The following NDUFA3 variants were observed in gnomAD, a reference collection of about 807,000 sequenced individuals.
NDUFA3 encodes the protein NADH:ubiquinone oxidoreductase subunit A3, also known as NADH dehydrogenase [ubiquinone] 1 alpha subcomplex subunit 3.
In NDUFA3, 10 loss-of-function variants were observed where a neutral mutation model predicts 11.4. The observed-to-expected ratio is 0.87, with a 90% CI of 0.54 to 1.48. The LOEUF (loss-of-function observed/expected upper bound fraction) is 1.48, where lower values mean the gene tolerates loss of function less well. Ranked by LOEUF, NDUFA3 falls within the 40% of genes most tolerant of loss-of-function variation. The pLI is 0.00. For missense variants in NDUFA3, 115 were observed against 110.5 expected (o/e 1.04, Z -0.18); for synonymous variants, 39 against 46.9 (o/e 0.83, Z 0.68).
intron 2 of NDUFA3, among the ~76,000 whole-genome samples, chr19:54,104,169 GCT>G (rs1392082636): frequency 8.2e-6 from 1 of 122,094 alleles, no homozygotes; most frequent in African/African-American, 3.3e-5. Context: ...ATGGCGTCTC[GCT>G]CTGTCTTCCA....
intron 2 of NDUFA3, chr19:54,105,614 A>G (rs1406873964): frequency 3.4e-6 from 2 of 590,614 alleles, no homozygotes; most frequent in Middle Eastern, 5.3e-4. Context: ...CCATGACACT[A>G]CCCCCAGGAT....
At position 54,106,816 on chromosome 19, in the gene NDUFA3, G is replaced by A. The variant is rs759764072; in HGVS notation, c.169G>A (p.Val57Ile). ...KATPYNYPVPVRDDGNMPDVP... is the reference protein window; with the variant it reads ...KATPYNYPVPIRDDGNMPDVP... ...GCCCACCTCCTGCCCCACAGTGCCC[G>A]TCCGTGATGATGGGAACATGCCCGA... Residue 57 changes from valine to isoleucine, a missense_variant, in exon 4 of 4, where the codon GTC (valine) becomes ATC (isoleucine). Transcript: ENST00000485876. 41 of 1,611,776 alleles carry A rather than the reference G, an allele frequency of 2.5e-5. No homozygotes were observed. The highest frequency in any genetic ancestry group is 1.0e-4 in the Admixed American group (6 of 59,674).
chr19:54,105,278 T>TTTTTTTTTTTTTTG (rs2073224767), intron 2 of NDUFA3, among the ~76,000 whole-genome samples: 1 of 137,874 alleles, frequency 7.3e-6, no homozygotes, highest in Non-Finnish European at 1.6e-5. Flanking sequence ...TTTTTTTTTT[T>TTTTTTTTTTTTTTG]TTTTTTTGGT....
chr19:54,105,509 T>C, intron 2 of NDUFA3: 1 of 347,868 alleles, frequency 2.9e-6, no homozygotes, highest in Admixed American at 3.7e-5. Context: ...CCTCAGGTGA[T>C]CCGCCCACAT....
rs367726357 is a variant in NDUFA3 at position 54,105,919 on chromosome 19, T to C, written c.86-15T>C. On this transcript the variant is annotated splice_polypyrimidine_tract_variant and intron_variant, in intron 2 of 3. Transcript: ENST00000485876. ...GCCACCTTCCCCTGGGCCTCACCCC[T>C]GTGTCTCTCCACAGCTGTAATTCTG... The C allele has an allele frequency of 1.9e-6, 3 of 1,604,288 alleles. No homozygotes were observed. The highest frequency in any genetic ancestry group is 2.6e-6 in the Non-Finnish European group (3 of 1,171,598).
chr19:54,103,368 G>T (rs587693034), intron 2 of NDUFA3, among the ~76,000 whole-genome samples, 180 bp downstream of exon 2: 1 of 151,960 alleles, frequency 6.6e-6, no homozygotes, highest in Admixed American at 6.6e-5. Context: ...CGCCCCCCGC[G>T]TTCCTCTCCA....
At chr19:54,104,136 T>C (rs796889906) in intron 2 of NDUFA3, among the ~76,000 whole-genome samples, 122 of 7,194 alleles carry the variant, frequency 0.017, no homozygotes, top group African/African-American at 0.066. Flanking sequence ...CCCGGCCAGC[T>C]TTTTTTTTTT....
chr19:54,105,263 G>GTTTTTTTTTTTTTTT (rs1201834834), intron 2 of NDUFA3, among the ~76,000 whole-genome samples: 5 of 38,982 alleles, frequency 1.3e-4, no homozygotes, highest in South Asian at 7.8e-4. Flanking sequence ...AGTTTGTAAG[G>GTTTTTTTTTTTTTTT]CTTTTTTTTT....
At chr19:54,105,263 G>GATTTTTTTTTT (rs1201834834) in intron 2 of NDUFA3, among the ~76,000 whole-genome samples, 64 of 38,992 alleles carry the variant, frequency 1.6e-3, no homozygotes, top group Non-Finnish European at 2.4e-3. Context: ...AGTTTGTAAG[G>GATTTTTTTTTT]CTTTTTTTTT....
In NDUFA3 at chr19:54,105,922, G is replaced by A. The variant is rs376242490; in HGVS notation, c.86-12G>A. On this transcript the variant is annotated splice_polypyrimidine_tract_variant and intron_variant, in intron 2 of 3. Transcript: ENST00000485876. ...ACCTTCCCCTGGGCCTCACCCCTGT[G>A]TCTCTCCACAGCTGTAATTCTGCCC... The A allele has an allele frequency of 2.5e-6, 4 of 1,607,130 alleles. No individual in the cohort carries two copies. The highest frequency in any genetic ancestry group is 3.4e-6 in the Non-Finnish European group (4 of 1,173,990).
intron 2 of NDUFA3, chr19:54,105,521 G>A (rs1205405535): frequency 2.8e-6 from 1 of 361,686 alleles, no homozygotes; most frequent in African/African-American, 2.1e-5. Flanking sequence ...CGCCCACATT[G>A]GCCGCCCAAA....
intron 3 of NDUFA3, 92 bp downstream of exon 3, chr19:54,106,103 T>TA: frequency 7.9e-7 from 1 of 1,270,758 alleles, no homozygotes; most frequent in Non-Finnish European, 1.1e-6. Context: ...CCTAAGCAGT[T>TA]ATCAGAGATT....
At position 54,102,864 on chromosome 19, in the gene NDUFA3, G is replaced by T; in HGVS notation, c.-15G>T. On this transcript the variant is annotated 5_prime_UTR_variant, in exon 1 of 4. Coordinates refer to ENST00000485876, the MANE Select transcript of NDUFA3 (RefSeq NM_004542.4). ...GCTCCGCGTCCTCGCCGCTGTCGCC[G>T]CCGCGGAGACAAAGATGGCTGCGAG... The T allele has an allele frequency of 1.9e-6, 3 of 1,608,630 alleles. No homozygotes were observed. Among genetic ancestry groups the T allele is most frequent in the Non-Finnish European group, 2.5e-6 (3 of 1,177,282 alleles).
intron 1 of NDUFA3, 62 bp from the exon 2 acceptor site, chr19:54,103,052 G>A: frequency 1.3e-6 from 2 of 1,575,438 alleles, no homozygotes; most frequent in Admixed American, 1.8e-5. Flanking sequence ...GGTGGCACGA[G>A]AGGGTTAGAG....
rs372184297 is a variant in NDUFA3, at chr19:54,106,966, C to T, written c.*64C>T. 8.2e-5 allele frequency: 132 copies of T among 1,601,184 alleles called. No homozygotes were observed. Among genetic ancestry groups the T allele is most frequent in the Admixed American group, 5.8e-4 (34 of 58,156 alleles). On this transcript the variant is annotated 3_prime_UTR_variant, in exon 4 of 4. Transcript: ENST00000485876. ...CAATAAAAATGTGAAAACCAACCCCCGAACGTGAGCATGTGTGTGATCAGA... is the reference window on the plus strand; with the variant it reads ...CAATAAAAATGTGAAAACCAACCCCTGAACGTGAGCATGTGTGTGATCAGA...
chr19:54,107,003 G>A lies in NDUFA3; in HGVS notation c.*101G>A. The A allele has an allele frequency of 6.2e-7, 1 of 1,607,334 alleles. No individual in the cohort carries two copies. The highest frequency in any genetic ancestry group is 1.1e-5 in the South Asian group (1 of 90,790). ...TGTGTGTGATCAGAGGTGGGAACAA[G>A]TAGACGGTGGCCGGGGTGAGTGTGG... On this transcript the variant is annotated 3_prime_UTR_variant, in exon 4 of 4. Transcript: ENST00000485876.
At chr19:54,105,133 C>T (rs1426915834) in intron 2 of NDUFA3, among the ~76,000 whole-genome samples, 1 of 152,128 alleles carries the variant, frequency 6.6e-6, no homozygotes, top group African/African-American at 2.4e-5. Flanking sequence ...TACCATCTGT[C>T]AGACAGCACT....
Position 54,107,471 on chromosome 19 carries a change from A to C in NDUFA3, c.*569A>C. 3 of 366,238 alleles carry C rather than the reference A, an allele frequency of 8.2e-6. No individual in the cohort carries two copies. The highest frequency in any genetic ancestry group is 4.4e-5 in the Admixed American group (1 of 22,800). 22.7% of individuals were successfully genotyped at this position (366,238 alleles called of 1,614,324 possible). On this transcript the variant is annotated 3_prime_UTR_variant, in exon 4 of 4. Transcript: ENST00000485876. ...AGTATGTTGCTCAGGCAGGTCTCAGACTCCTGGCCTCAAGTGATCCTCCCA... is the reference window on the plus strand; with the variant it reads ...AGTATGTTGCTCAGGCAGGTCTCAGCCTCCTGGCCTCAAGTGATCCTCCCA...
chr19:54,105,945 C>A lies in NDUFA3; in HGVS notation c.97C>A (p.Pro33Thr), dbSNP rs1430207783. The A allele has an allele frequency of 6.2e-6, 10 of 1,613,070 alleles. No homozygotes were observed. The highest frequency in any genetic ancestry group is 8.5e-6 in the Non-Finnish European group (10 of 1,179,122). The stretch of plus-strand genomic sequence containing the variant: ...GTGTCTCTCCACAGCTGTAATTCTG[C>A]CCCCATTGAGCCCCTACTTCAAGTA... ...FVVGGLAVIL[P>T]PLSPYFKYSV... The change falls in exon 3 of 4, where the codon CCC becomes ACC. Residue 33 changes from proline to threonine, a missense_variant. By Grantham distance (38) the Pro-to-Thr change is conservative (BLOSUM62 -1). Transcript: ENST00000485876.
Sources: allele counts gnomAD v4.1 joint callset (sites outside exome capture counted in the v4.1 genomes callset), GRCh38; gene constraint gnomAD v4.1.1; transcripts MANE v1.5; gene names NCBI Gene and HGNC (gene_info 2026-07-23, HGNC 2026-07-21).